PTPRD: variants seen among roughly 807,000 people sequenced by gnomAD.
PTPRD encodes the protein receptor-type tyrosine-protein phosphatase delta.
PTPRD carries 34 observed loss-of-function variants against 214.5 expected under a neutral mutation model. The ratio of observed to expected loss-of-function variants is 0.16; its 90% CI spans 0.12 to 0.21. The LOEUF is 0.21. Among genes scored for constraint, PTPRD ranks in the 10% least tolerant of loss-of-function variants. PTPRD has a pLI of 1.00. For synonymous variants in PTPRD, 1,128 were observed against 845.7 expected, an observed-to-expected ratio of 1.33 and a Z score of -5.79; for missense variants, 2,545 against 2,398.7, an observed-to-expected ratio of 1.06 and a Z score of -1.27.
chr9:9,695,614 G>C (rs890425322), intron 7 of PTPRD, among the ~76,000 whole-genome samples: 11 of 151,750 alleles, frequency 7.2e-5, no homozygotes, highest in African/African-American at 2.7e-4. Flanking sequence ...ATTACAAGTT[G>C]GTGTTAATTT....
At chr9:8,584,313 A>G (rs2154255901) in intron 14 of PTPRD, among the ~76,000 whole-genome samples, 1 of 152,234 alleles carries the variant, frequency 6.6e-6, no homozygotes. Context: ...TATAAATACG[A>G]TGTCTTTTCT....
chr9:10,347,544 G>A (rs1273977868), intron 2 of PTPRD, among the ~76,000 whole-genome samples: 2 of 151,184 alleles, frequency 1.3e-5, no homozygotes, highest in Non-Finnish European at 2.9e-5. Flanking sequence ...CCAAGTAGCT[G>A]GGATTACAGG....
At chr9:10,459,577 T>C (rs2098943474) in intron 2 of PTPRD, among the ~76,000 whole-genome samples, 1 of 152,220 alleles carries the variant, frequency 6.6e-6, no homozygotes, top group African/African-American at 2.4e-5. Flanking sequence ...TTCCTGACTT[T>C]TTAATGATCG....
chr9:9,030,308 T>TA (rs2099600876), intron 10 of PTPRD, among the ~76,000 whole-genome samples: 1 of 94,124 alleles, frequency 1.1e-5, no homozygotes, highest in Non-Finnish European at 2.3e-5. Context: ...TTTTTTTTTT[T>TA]ACAGATATCT....
At position 10,103,604 on chromosome 9, in the gene PTPRD, G is replaced by A. The variant is rs11787639; in HGVS notation, c.-544-69814C>T. Among the ~76,000 whole-genome samples, 13 of 151,214 alleles carry A rather than the reference G, an allele frequency of 8.6e-5. No individual in the cohort carries two copies. In the East Asian group the frequency reaches 2.6e-3, roughly 30 times the overall value. On this transcript the variant is annotated intron_variant, in intron 3 of 45. Transcript: ENST00000381196. ...GTTTTATGGTTGTGCTTTTGTCTTA[G>A]GTTTCATTTTGAGACTCAGTGTGAA... is the stretch of plus-strand genomic sequence containing the variant.
intron 8 of PTPRD, among the ~76,000 whole-genome samples, chr9:9,434,229 T>C (rs2084303706): frequency 6.6e-6 from 1 of 152,204 alleles, no homozygotes; most frequent in Non-Finnish European, 1.5e-5. Context: ...CTCTCTGAGC[T>C]TCTTCACTAG....
At chr9:10,489,744 A>G (rs2099155107) in intron 2 of PTPRD, among the ~76,000 whole-genome samples, 1 of 152,050 alleles carries the variant, frequency 6.6e-6, no homozygotes, top group Non-Finnish European at 1.5e-5. Context: ...GTTAGTTATC[A>G]GCTGAGTTTG....
At chr9:8,373,058 T>C (rs574582154) in intron 39 of PTPRD, among the ~76,000 whole-genome samples, 1 of 152,056 alleles carries the variant, frequency 6.6e-6, no homozygotes, top group Non-Finnish European at 1.5e-5. Context: ...ATGTGTAACA[T>C]GATCATGATT....
chr9:9,783,310 A>G (rs1565225999), intron 5 of PTPRD, among the ~76,000 whole-genome samples: 3 of 152,244 alleles, frequency 2.0e-5, no homozygotes, highest in South Asian at 2.1e-4. Context: ...AAAATTTCCA[A>G]TTTCTTTCTT....
intron 9 of PTPRD, among the ~76,000 whole-genome samples, chr9:9,284,752 G>C (rs755131351): frequency 6.6e-6 from 1 of 151,774 alleles, no homozygotes; most frequent in South Asian, 2.1e-4. Context: ...AGATTCTTAT[G>C]TTAGGATCTT....
intron 7 of PTPRD, among the ~76,000 whole-genome samples, chr9:9,589,405 T>C (rs587066): frequency 0.31 from 47,187 of 151,654 alleles, 7,773 homozygotes; most frequent in Non-Finnish European, 0.36. Flanking sequence ...TCTCTTTCTC[T>C]TACATATTTC....
At chr9:9,507,223 A>G (rs2096590504) in intron 8 of PTPRD, among the ~76,000 whole-genome samples, 1 of 151,346 alleles carries the variant, frequency 6.6e-6, no homozygotes, top group South Asian at 2.1e-4. Context: ...TTTTGTCTGA[A>G]AAGAAGCAAG....
At chr9:8,995,336 C>A (rs2099392468) in intron 11 of PTPRD, among the ~76,000 whole-genome samples, 1 of 151,978 alleles carries the variant, frequency 6.6e-6, no homozygotes, top group African/African-American at 2.4e-5. Flanking sequence ...GATATGATGT[C>A]TGAAATATAC....
At chr9:10,340,269 C>A (rs1022834500) in intron 3 of PTPRD, among the ~76,000 whole-genome samples, 4 of 151,784 alleles carry the variant, frequency 2.6e-5, no homozygotes, top group African/African-American at 4.8e-5. Context: ...GTTCTCATAG[C>A]GACCAGTTTT....
At chr9:9,184,776 A>T (rs1272549159) in intron 9 of PTPRD, among the ~76,000 whole-genome samples, 1 of 152,028 alleles carries the variant, frequency 6.6e-6, no homozygotes, top group Non-Finnish European at 1.5e-5. Context: ...AATAGCATAT[A>T]CTTACCATCC....
chr9:10,399,317 C>T (rs1025476345), intron 2 of PTPRD, among the ~76,000 whole-genome samples: 4 of 151,892 alleles, frequency 2.6e-5, no homozygotes, highest in Non-Finnish European at 5.9e-5. Context: ...TAAACACTTA[C>T]ATATCAATGC....
intron 8 of PTPRD, among the ~76,000 whole-genome samples, chr9:9,419,146 C>CACACACACACAA (rs1569568151): frequency 2.0e-5 from 3 of 150,810 alleles, no homozygotes; most frequent in African/African-American, 7.3e-5. Context: ...CACACACACA[C>CACACACACACAA]ACACACACAC....
At chr9:8,395,990 C>T (rs1306348182) in intron 36 of PTPRD, among the ~76,000 whole-genome samples, 1 of 152,002 alleles carries the variant, frequency 6.6e-6, no homozygotes, top group Non-Finnish European at 1.5e-5. Flanking sequence ...TCAGCCACAT[C>T]ATGGAGTTGT....
At position 9,226,742 on chromosome 9, in the gene PTPRD, C is replaced by G. The variant is rs377705878; in HGVS notation, c.-202-43379G>C. Among the ~76,000 whole-genome samples, 15 of 152,094 alleles carry G rather than the reference C, an allele frequency of 9.9e-5. No homozygotes were observed. In the South Asian group the frequency reaches 3.1e-3, roughly 32 times the overall value. On this transcript the variant is annotated intron_variant, in intron 9 of 45. Transcript: ENST00000381196. ...CTATGCAGAACATTTAAACTATAAG[C>G]TGCATGAAGGTAACCTCTCTAACTA...
Sources: gnomAD v4.1 joint callset for allele counts (sites outside exome capture counted in the v4.1 genomes callset) on GRCh38, gnomAD v4.1.1 for gene constraint, MANE v1.5 for transcripts, NCBI Gene and HGNC (gene_info 2026-07-23, HGNC 2026-07-21) for gene names.